The following SLC67A2 variants were observed in gnomAD, a reference collection of about 807,000 sequenced individuals.
The protein encoded by SLC67A2 is solute carrier family 67 member A2.
the SLC67A2 span, among the ~76,000 whole-genome samples, chr2:102,715,185 T>C: frequency 6.6e-6 from 1 of 152,178 alleles, no homozygotes; most frequent in African/African-American, 2.4e-5. Context: ...TTGCTGCGGC[T>C]AGAGAGCTCT....
the SLC67A2 span, chr2:102,730,979 A>C: frequency 6.3e-7 from 1 of 1,577,090 alleles, no homozygotes; most frequent in Non-Finnish European, 8.7e-7. Context: ...TCAAGTCCCC[A>C]ATTTTACTAC....
chr2:102,723,657 A>C, the SLC67A2 span: 1 of 1,553,070 alleles, frequency 6.4e-7, no homozygotes. Context: ...TAAATTGGTC[A>C]GTATGAATAC....
the SLC67A2 span, among the ~76,000 whole-genome samples, chr2:102,730,443 T>C: frequency 6.6e-6 from 1 of 152,166 alleles, no homozygotes; most frequent in South Asian, 2.1e-4. Flanking sequence ...TAAAAAAGCT[T>C]TTATTTAGTT....
the SLC67A2 span, chr2:102,718,747 C>A: frequency 2.5e-6 from 4 of 1,613,830 alleles, no homozygotes; most frequent in Non-Finnish European, 3.4e-6. Flanking sequence ...AGGAGTAGAG[C>A]AGCAGCAGTG....
the SLC67A2 span, among the ~76,000 whole-genome samples, chr2:102,734,434 C>T: frequency 6.6e-6 from 1 of 152,144 alleles, no homozygotes. Flanking sequence ...CGGATAACTG[C>T]TAAAACAGAA....
At chr2:102,729,575 C>T in the SLC67A2 span, among the ~76,000 whole-genome samples, 2,328 of 152,298 alleles carry the variant, frequency 0.015, 70 homozygotes, top group African/African-American at 0.054. Flanking sequence ...AGCAAGTGCA[C>T]TGCTCTCCTG....
chr2:102,715,277 C>T, the SLC67A2 span, among the ~76,000 whole-genome samples: 4 of 152,322 alleles, frequency 2.6e-5, no homozygotes. Context: ...ACAATCTCAA[C>T]CCGAGCATGG....
the SLC67A2 span, among the ~76,000 whole-genome samples, chr2:102,730,774 C>A: frequency 6.6e-6 from 1 of 152,168 alleles, no homozygotes; most frequent in Non-Finnish European, 1.5e-5. Flanking sequence ...TGGTCTCGAT[C>A]TCCTGACCTC....
the SLC67A2 span, among the ~76,000 whole-genome samples, chr2:102,728,580 C>A: frequency 3.5e-4 from 54 of 152,244 alleles, no homozygotes; most frequent in Non-Finnish European, 6.0e-4. Context: ...AATCCTACTC[C>A]CCAATTTTCA....
the SLC67A2 span, among the ~76,000 whole-genome samples, chr2:102,729,655 A>G: frequency 6.6e-6 from 1 of 151,822 alleles, no homozygotes; most frequent in Non-Finnish European, 1.5e-5. Context: ...TGACTCTTAG[A>G]AAAAAAATAA....
the SLC67A2 span, chr2:102,718,963 C>T: frequency 1.2e-6 from 2 of 1,614,248 alleles, no homozygotes; most frequent in Non-Finnish European, 8.5e-7. Context: ...CCATGGCCAT[C>T]AGCAAGCGCA....
the SLC67A2 span, chr2:102,731,076 A>C: frequency 1.9e-6 from 3 of 1,613,238 alleles, no homozygotes; most frequent in African/African-American, 1.3e-5. Flanking sequence ...AGCCTGTAAA[A>C]AACAAATCAA....
the SLC67A2 span, among the ~76,000 whole-genome samples, chr2:102,735,402 C>CA: frequency 6.6e-6 from 1 of 152,152 alleles, no homozygotes; most frequent in Non-Finnish European, 1.5e-5. Flanking sequence ...GAGGTGGTGG[C>CA]ATGGAGAGTG....
chr2:102,718,359 A>T, the SLC67A2 span: 5 of 1,581,392 alleles, frequency 3.2e-6, no homozygotes, highest in Admixed American at 9.0e-5. Context: ...CCTTTTCATC[A>T]TGGCCTCCGG....
chr2:102,734,415 T>C, the SLC67A2 span, among the ~76,000 whole-genome samples: 4 of 152,160 alleles, frequency 2.6e-5, no homozygotes, highest in South Asian at 8.3e-4. Context: ...AAATTAAAAC[T>C]TGGAAGTACG....
the SLC67A2 span, chr2:102,717,044 T>C: frequency 6.6e-6 from 1 of 152,228 alleles, no homozygotes; most frequent in Non-Finnish European, 1.5e-5. Context: ...ATGATTCTTT[T>C]TTTTTTGAGA....
the SLC67A2 span, chr2:102,723,869 AAGTAG>A: frequency 6.2e-7 from 1 of 1,614,094 alleles, no homozygotes; most frequent in Non-Finnish European, 8.5e-7. Context: ...CCACATCAGA[AAGTAG>A]AGCCCTTGAG....
At chr2:102,725,875 C>T in the SLC67A2 span, among the ~76,000 whole-genome samples, 1 of 152,056 alleles carries the variant, frequency 6.6e-6, no homozygotes, top group African/African-American at 2.4e-5. Flanking sequence ...AGCAGTTTAA[C>T]AAAACTCGAG....
chr2:102,717,109 C>G, the SLC67A2 span: 3 of 152,124 alleles, frequency 2.0e-5, no homozygotes, highest in African/African-American at 7.2e-5. Context: ...CTTGGCTCAC[C>G]GCAAGCTCCG....
Sources: gnomAD v4.1 joint callset for allele counts (sites outside exome capture counted in the v4.1 genomes callset) on GRCh38, gnomAD v4.1.1 for gene constraint, MANE v1.5 for transcripts, NCBI Gene and HGNC (gene_info 2026-07-23, HGNC 2026-07-21) for gene names.